The following CTNNA3 variants were observed in gnomAD, a reference collection of about 807,000 sequenced individuals.
The protein encoded by CTNNA3 is catenin alpha-3.
CTNNA3 carries 76 observed loss-of-function variants against 95.7 expected under a neutral mutation model. The observed-to-expected ratio is 0.79, with a 90% CI of 0.66 to 0.96. The LOEUF (loss-of-function observed/expected upper bound fraction) is 0.96. Ranked by LOEUF, CTNNA3 falls within the 40% of genes least tolerant of loss-of-function variation. The pLI is 0.00. For synonymous variants in CTNNA3, 431 were observed against 374.4 expected (o/e 1.15, Z -1.74); for missense variants, 1,191 against 1,089.8 (o/e 1.09, Z -1.31).
intron 13 of CTNNA3, among the ~76,000 whole-genome samples, chr10:66,149,293 AT>A (rs1330610239): frequency 9.4e-5 from 14 of 149,704 alleles, no homozygotes; most frequent in South Asian, 2.1e-4. Flanking sequence ...GCATATGTAT[AT>A]TTAAATATAA....
intron 5 of CTNNA3, among the ~76,000 whole-genome samples, chr10:67,283,305 A>G (rs1184120322): frequency 6.6e-6 from 1 of 152,222 alleles, no homozygotes; most frequent in Non-Finnish European, 1.5e-5. Flanking sequence ...CAGTCTCCCA[A>G]TAGACAGATA....
At chr10:67,683,347 G>T (rs1447647318) in intron 1 of CTNNA3, among the ~76,000 whole-genome samples, 1 of 152,152 alleles carries the variant, frequency 6.6e-6, no homozygotes, top group Non-Finnish European at 1.5e-5. Context: ...TGAGGACAGG[G>T]TCTATTTTTG....
chr10:67,544,161 AT>A (rs1023041129), intron 3 of CTNNA3, among the ~76,000 whole-genome samples: 4 of 152,258 alleles, frequency 2.6e-5, no homozygotes, highest in African/African-American at 7.2e-5. Context: ...GCTATGTCTT[AT>A]TTCCATTTTA....
chr10:66,944,635 A>G (rs1439414016), intron 7 of CTNNA3, among the ~76,000 whole-genome samples: 1 of 152,190 alleles, frequency 6.6e-6, no homozygotes, highest in Non-Finnish European at 1.5e-5. Flanking sequence ...AGGCAGCATG[A>G]GACTTATAAA....
chr10:66,751,971 A>T (rs1304973180), intron 9 of CTNNA3, among the ~76,000 whole-genome samples: 1 of 152,152 alleles, frequency 6.6e-6, no homozygotes, highest in Non-Finnish European at 1.5e-5. Flanking sequence ...AATTGGAGAG[A>T]TATACCATGT....
intron 11 of CTNNA3, among the ~76,000 whole-genome samples, chr10:66,479,598 A>G (rs908448218): frequency 4.6e-5 from 7 of 152,002 alleles, no homozygotes; most frequent in African/African-American, 1.7e-4. Flanking sequence ...ACAAATAATT[A>G]TATTTTCTTT....
At chr10:66,112,006 T>C (rs1483038626) in intron 13 of CTNNA3, among the ~76,000 whole-genome samples, 1 of 152,172 alleles carries the variant, frequency 6.6e-6, no homozygotes, top group Admixed American at 6.5e-5. Flanking sequence ...ACTGAAAACA[T>C]AATAAGGCTG....
intron 13 of CTNNA3, among the ~76,000 whole-genome samples, chr10:66,199,789 A>T (rs1417078796): frequency 9.0e-5 from 1 of 11,152 alleles, no homozygotes; most frequent in East Asian, 3.1e-3. Flanking sequence ...ATATATATAT[A>T]TATATATATA....
At chr10:66,270,366 G>A (rs917078247) in intron 13 of CTNNA3, among the ~76,000 whole-genome samples, 15 of 151,898 alleles carry the variant, frequency 9.9e-5, no homozygotes, top group South Asian at 2.1e-4. Context: ...CACCATGCCC[G>A]GATAATTTTT....
intron 7 of CTNNA3, among the ~76,000 whole-genome samples, chr10:66,809,145 T>A (rs1369370807): frequency 6.6e-6 from 1 of 152,168 alleles, no homozygotes; most frequent in East Asian, 1.9e-4. Flanking sequence ...CAAACACTTG[T>A]TCTCTATATG....
intron 12 of CTNNA3, among the ~76,000 whole-genome samples, chr10:66,360,790 TTC>T (rs753508904): frequency 0.053 from 3,384 of 64,420 alleles, 367 homozygotes; most frequent in Non-Finnish European, 0.072. Context: ...TCTTTCTTCC[TTC>T]CTTCCTTCCT....
intron 15 of CTNNA3, among the ~76,000 whole-genome samples, chr10:66,045,494 T>C (rs999740149): frequency 5.9e-5 from 9 of 152,208 alleles, no homozygotes; most frequent in Non-Finnish European, 1.5e-5. Flanking sequence ...TAAAATATTC[T>C]ATGTAGAAAT....
intron 7 of CTNNA3, among the ~76,000 whole-genome samples, chr10:67,156,840 A>C (rs1861331551): frequency 6.6e-6 from 1 of 151,932 alleles, no homozygotes; most frequent in African/African-American, 2.4e-5. Context: ...CTGCTTCCTT[A>C]TTGATATTTT....
intron 1 of CTNNA3, among the ~76,000 whole-genome samples, chr10:67,667,853 C>T (rs977143583): frequency 1.8e-4 from 28 of 152,040 alleles, no homozygotes; most frequent in Non-Finnish European, 3.4e-4. Flanking sequence ...CAGATACATT[C>T]GCTGTAATAT....
chr10:67,724,940 C>T (rs1042182984), intron 1 of CTNNA3, among the ~76,000 whole-genome samples: 3 of 152,034 alleles, frequency 2.0e-5, no homozygotes, highest in Non-Finnish European at 4.4e-5. Flanking sequence ...ATACCAAAAC[C>T]TTAAACCTTA....
At chr10:66,442,256 T>A (rs563535201) in intron 11 of CTNNA3, among the ~76,000 whole-genome samples, 71 of 152,298 alleles carry the variant, frequency 4.7e-4, no homozygotes, top group African/African-American at 1.5e-3. Flanking sequence ...CTATTTTATA[T>A]AAGGAACTTG....
chr10:67,141,213 T>G (rs2132041180), intron 7 of CTNNA3, among the ~76,000 whole-genome samples: 1 of 152,256 alleles, frequency 6.6e-6, no homozygotes, highest in Non-Finnish European at 1.5e-5. Flanking sequence ...CTCTATATAT[T>G]ACCATAAAAA....
At chr10:67,654,950 T>C (rs1409082626) in intron 1 of CTNNA3, among the ~76,000 whole-genome samples, 2 of 152,214 alleles carry the variant, frequency 1.3e-5, no homozygotes, top group African/African-American at 2.4e-5. Flanking sequence ...AAAGGTTAAA[T>C]AGTCGAAAAC....
At chr10:66,853,648 A>G (rs1843577799) in intron 7 of CTNNA3, among the ~76,000 whole-genome samples, 2 of 152,118 alleles carry the variant, frequency 1.3e-5, no homozygotes, top group South Asian at 4.1e-4. Flanking sequence ...CGAAGTGGTG[A>G]TATCTAAAGC....
Sources: allele counts gnomAD v4.1 joint callset (sites outside exome capture counted in the v4.1 genomes callset), GRCh38; gene constraint gnomAD v4.1.1; transcripts MANE v1.5; gene names NCBI Gene and HGNC (gene_info 2026-07-23, HGNC 2026-07-21).